Variants in SRCAP observed in about 807,000 individuals in gnomAD.
The protein encoded by SRCAP is chromatin remodeling protein SRCAP.
In SRCAP, 46 loss-of-function variants were observed where a neutral mutation model predicts 263.1. That is an observed-to-expected ratio of 0.17 (90% CI 0.14 to 0.22). The LOEUF is 0.22. Among genes scored for constraint, SRCAP ranks in the 10% least tolerant of loss-of-function variants. SRCAP has a pLI of 1.00. For missense variants in SRCAP, 3,695 were observed against 4,181.9 expected (o/e 0.88, Z 3.21); for synonymous variants, 1,813 against 1,662.1 (o/e 1.09, Z -2.21).
Position 30,707,567 on chromosome 16 carries a change from C to G in SRCAP, c.493-5C>G. On this transcript the variant is annotated splice_polypyrimidine_tract_variant and splice_region_variant and intron_variant, in intron 5 of 33. Transcript: ENST00000262518. ...TGTTTTCACCCTGGGTCTTCATTCC[C>G]ACAGGTGGTGCGCATGGTGATCCGG... 2.5e-6 allele frequency: 4 copies of G among 1,612,542 alleles called. No individual in the cohort carries two copies. Among genetic ancestry groups the G allele is most frequent in the Non-Finnish European group, 3.4e-6 (4 of 1,179,334 alleles).
intron 17 of SRCAP, 28 bp from the exon 18 acceptor site, chr16:30,716,265 G>A (rs760318486): frequency 8.3e-5 from 134 of 1,613,178 alleles, no homozygotes; most frequent in Non-Finnish European, 9.9e-5. Context: ...CTGTTAGGAC[G>A]TCTCATTTAT....
At chr16:30,705,146 C>T (rs1343549565) in intron 4 of SRCAP, among the ~76,000 whole-genome samples, 1 of 152,040 alleles carries the variant, frequency 6.6e-6, no homozygotes, top group African/African-American at 2.4e-5. Flanking sequence ...GCTAAAAATA[C>T]AAAAATTAGC....
rs774386030 is a variant in SRCAP, at chr16:30,736,638, G to C, written c.7008+14G>C. 4 of 1,613,758 alleles carry C rather than the reference G, an allele frequency of 2.5e-6. No individual in the cohort carries two copies. Among genetic ancestry groups the C allele is most frequent in the Non-Finnish European group, 1.7e-6 (2 of 1,179,704 alleles). ...AAACAGGCAGAAGTGAGTATTTCCA[G>C]GGGTGGGGCTGGCAGTTGGAAGCTG... On this transcript the variant is annotated intron_variant, in intron 33 of 33. Coordinates refer to ENST00000262518, the MANE Select transcript of SRCAP (RefSeq NM_006662.3).
Position 30,709,520 on chromosome 16 carries a change from A to G in SRCAP, c.641A>G (p.Gln214Arg). The change falls in exon 7 of 34, where the codon CAA (glutamine) becomes CGA (arginine). Residue 214 changes from glutamine to arginine, a missense_variant. Transcript: ENST00000262518. ...QFWSNVEKVV[Q>R]FKQQSRLEEK... is the part of the protein sequence containing the mutation. ...CTTTCACATCTGTGGCAGGTGGTGCAATTCAAGCAACAGTCCCGGCTTGAG... is the reference window on the plus strand; with the variant it reads ...CTTTCACATCTGTGGCAGGTGGTGCGATTCAAGCAACAGTCCCGGCTTGAG... 1.2e-6 allele frequency: 2 copies of G among 1,614,202 alleles called. No individual in the cohort carries two copies. The highest frequency in any genetic ancestry group is 1.7e-6 in the Non-Finnish European group (2 of 1,180,038).
At chr16:30,707,455 TA>T in intron 5 of SRCAP, 87 bp downstream of exon 5, 1 of 1,602,920 alleles carries the variant, frequency 6.2e-7, no homozygotes, top group South Asian at 1.1e-5. Flanking sequence ...CAGAATGGTG[TA>T]GGCATTAAGA....
rs764057398 is a variant in SRCAP at position 30,729,035 on chromosome 16, G to A, written c.5728G>A (p.Ala1910Thr). 2.4e-5 allele frequency: 39 copies of A among 1,614,044 alleles called. 1 individual carries two copies. The highest frequency in any genetic ancestry group is 5.1e-6 in the Non-Finnish European group (6 of 1,180,042). ...RLERIFQLSEAHGALAPVYGT... is the reference protein window; with the variant it reads ...RLERIFQLSETHGALAPVYGT... ...GGAACGGATTTTCCAACTTAGTGAG[G>A]CTCATGGGGCCCTGGCACCTGTGTA... Residue 1910 changes from alanine to threonine, a missense_variant, in exon 26 of 34, where the codon GCT becomes ACT. Ala to Thr is a moderately conservative substitution (Grantham distance 58). Around this residue, in one of 12 missense-constraint regions of SRCAP, gnomAD observed 1,347 missense variants for 1,304.4 expected, o/e 1.03. Coordinates refer to ENST00000262518, the MANE Select transcript of SRCAP (RefSeq NM_006662.3).
In SRCAP at chr16:30,739,864, T is replaced by C; in HGVS notation, c.*131T>C. ...GAGACATAGGGGCCTTCTCCCTTCTTCCCACCAAAGTAGGGGGTAGGCAAC... is the reference window on the plus strand; with the variant it reads ...GAGACATAGGGGCCTTCTCCCTTCTCCCCACCAAAGTAGGGGGTAGGCAAC... On this transcript the variant is annotated 3_prime_UTR_variant, in exon 34 of 34. Coordinates refer to ENST00000262518, the MANE Select transcript of SRCAP (RefSeq NM_006662.3). 7.3e-7 allele frequency: 1 copy of C among 1,361,818 alleles called. No individual in the cohort carries two copies. Among genetic ancestry groups the C allele is most frequent in the South Asian group, 1.8e-5 (1 of 55,892 alleles). 84.4% of individuals were successfully genotyped at this position (1,361,818 alleles called of 1,614,324 possible).
Position 30,736,193 on chromosome 16 carries a change from C to CT in SRCAP, c.6730-6dup. 6.2e-7 allele frequency: 1 copy of CT among 1,613,910 alleles called. No homozygotes were observed. The highest frequency in any genetic ancestry group is 2.2e-5 in the East Asian group (1 of 44,882). On this transcript the variant is annotated splice_region_variant and splice_polypyrimidine_tract_variant and intron_variant, in intron 31 of 33. Transcript: ENST00000262518. ...ATGTTTTCTTTTTCTTTTATACACC[C>CT]TGGTAGGCATTGTGTCGGGCAGAAG...
chr16:30,715,708 G>A (rs1436255907), intron 16 of SRCAP, among the ~76,000 whole-genome samples: 1 of 151,954 alleles, frequency 6.6e-6, no homozygotes, highest in Non-Finnish European at 1.5e-5. Flanking sequence ...TTACAGATTT[G>A]CCTTTTGTTT....
At position 30,739,589 on chromosome 16, in the gene SRCAP, G is replaced by A; in HGVS notation, c.9549G>A (p.Gly3183=). The A allele has an allele frequency of 6.2e-7, 1 of 1,602,828 alleles. No homozygotes were observed. The highest frequency in any genetic ancestry group is 1.3e-5 in the African/African-American group (1 of 74,728). Residue 3183 remains glycine (G), a synonymous_variant, in exon 34 of 34, where the codon GGG becomes GGA. Coordinates refer to ENST00000262518, the MANE Select transcript of SRCAP (RefSeq NM_006662.3). ...EAEASGEEEE[G]DGTPRRRPGP... ...AAGCCTCAGGTGAGGAGGAGGAAGG[G>A]GATGGGACCCCACGCCGACGTCCTG...
chr16:30,728,733 T>TTAAG (rs1803571122), intron 25 of SRCAP, among the ~76,000 whole-genome samples: 1 of 152,212 alleles, frequency 6.6e-6, no homozygotes. Flanking sequence ...AGGAGAGAAG[T>TTAAG]TACTTAACAT....
chr16:30,732,074 G>A (rs774526148), intron 27 of SRCAP, among the ~76,000 whole-genome samples: 1 of 151,992 alleles, frequency 6.6e-6, no homozygotes, highest in Non-Finnish European at 1.5e-5. Context: ...GAGCCCGGGA[G>A]GCAGAGGTTG....
At chr16:30,730,506 A>G (rs547360468) in intron 27 of SRCAP, among the ~76,000 whole-genome samples, 1 of 151,576 alleles carries the variant, frequency 6.6e-6, no homozygotes, top group African/African-American at 2.4e-5. Context: ...ATCTCGGCTC[A>G]CTGCAACTTC....
intron 6 of SRCAP, 132 bp from the exon 7 acceptor site, chr16:30,709,380 TA>T: frequency 1.2e-6 from 1 of 863,762 alleles, no homozygotes. Flanking sequence ...AGTGAGCCCC[TA>T]AGGTTATTTA....
In SRCAP at chr16:30,707,311, G is replaced by A. The variant is rs377103085; in HGVS notation, c.435G>A (p.Gln145=). ...GHWDYLCEEM[Q]WLSADFAQER... ...GGGACTATTTGTGCGAAGAGATGCAGTGGCTCTCTGCTGACTTTGCTCAGG... is the reference window on the plus strand; with the variant it reads ...GGGACTATTTGTGCGAAGAGATGCAATGGCTCTCTGCTGACTTTGCTCAGG... The change falls in exon 5 of 34, where the codon CAG becomes CAA. Residue 145 remains glutamine, a synonymous_variant. Transcript: ENST00000262518. 10 of 1,614,104 alleles carry A rather than the reference G, an allele frequency of 6.2e-6. No homozygotes were observed. In the African/African-American group the frequency reaches 1.2e-4, roughly 19 times the overall value.
intron 16 of SRCAP, among the ~76,000 whole-genome samples, chr16:30,714,716 G>T (rs1326249240): frequency 6.6e-6 from 1 of 151,614 alleles, no homozygotes; most frequent in East Asian, 1.9e-4. Context: ...GGCCAGGCTG[G>T]TCTCGAACTC....
At chr16:30,711,457 C>G in intron 10 of SRCAP, 114 bp from the exon 11 acceptor site, 1 of 1,133,506 alleles carries the variant, frequency 8.8e-7, no homozygotes, top group Non-Finnish European at 1.2e-6. Context: ...TGCCTCCCCT[C>G]AGACCTGGGC....
intron 4 of SRCAP, 37 bp from the exon 5 acceptor site, chr16:30,707,146 T>A (rs1220942364): frequency 2.5e-6 from 4 of 1,608,506 alleles, no homozygotes; most frequent in Non-Finnish European, 2.6e-6. Flanking sequence ...GGAGTGTGTG[T>A]TTAGAACTGT....
chr16:30,737,370 C>T lies in SRCAP; in HGVS notation c.7330C>T (p.Arg2444Ter), dbSNP rs199469464. Residue 2444 changes from arginine (R) to a stop codon, truncating the protein, a stop_gained, in exon 34 of 34, where the codon CGA becomes TGA. Transcript: ENST00000262518. LOFTEE classifies it high-confidence loss of function. The part of the protein sequence containing the change: ...ERVPRPAPRP[R>*]PTPASAPAAI... ...AGTTCCCAGGCCAGCACCTAGGCCT[C>T]GACCCACTCCAGCTTCAGCTCCGGC... is the stretch of plus-strand genomic sequence containing the variant. 1 of 1,613,712 alleles carries T rather than the reference C, an allele frequency of 6.2e-7. No homozygotes were observed. The highest frequency in any genetic ancestry group is 8.5e-7 in the Non-Finnish European group (1 of 1,179,888).
Sources: allele counts gnomAD v4.1 joint callset (sites outside exome capture counted in the v4.1 genomes callset), GRCh38; gene constraint gnomAD v4.1.1; regional missense constraint gnomAD v4.1.1; transcripts MANE v1.5; gene names NCBI Gene and HGNC (gene_info 2026-07-23, HGNC 2026-07-21).